The following CPT1B variants were observed in gnomAD, a reference collection of about 807,000 sequenced individuals.
The protein encoded by CPT1B is carnitine O-palmitoyltransferase 1, muscle isoform.
In CPT1B, 57 loss-of-function variants were observed where a neutral mutation model predicts 92.7. The ratio of observed to expected loss-of-function variants is 0.62; its 90% confidence interval spans 0.50 to 0.77. CPT1B has a LOEUF of 0.77. Among genes scored for constraint, CPT1B ranks in the 30% least tolerant of loss-of-function variants. The pLI is 0.00. For missense variants in CPT1B, 983 were observed against 1,017.4 expected (o/e 0.97, Z 0.46); for synonymous variants, 398 against 383.5 (o/e 1.04, Z -0.44).
Position 50,574,352 on chromosome 22 carries a change from A to T in CPT1B, c.953T>A (p.Ile318Asn). Reference protein sequence around the residue: ...QMERMFNTTRIPGKDTDVLQH... With the variant: ...QMERMFNTTRNPGKDTDVLQH... ...TCAGTTACCTGTGTCCTTGCCCGGG[A>T]TCCGAGTGGTGTTGAACATCCTCTC... Residue 318 changes from isoleucine (I) to asparagine (N), a missense_variant, in exon 9 of 20, where the codon ATC becomes AAC. Coordinates refer to ENST00000312108, the MANE Select transcript of CPT1B (RefSeq NM_152246.3). 6.2e-7 allele frequency: 1 copy of T among 1,613,448 alleles called. No individual in the cohort carries two copies. Among genetic ancestry groups the T allele is most frequent in the Non-Finnish European group, 8.5e-7 (1 of 1,179,766 alleles).
chr22:50,577,446 G>A lies in CPT1B; in HGVS notation c.159C>T (p.Gly53=), dbSNP rs758037076. The change falls in exon 3 of 20, where the codon GGC becomes GGT. Residue 53 remains glycine, a synonymous_variant. Transcript: ENST00000312108. The part of the protein sequence containing the change: ...LIRIKNGILR[G]VYPGSPTSWL... ...AGCTGGTGGGGCTGCCAGGGTACAC[G>A]CCCCTGAGGATGCCATTCTGTGGGC... is the stretch of plus-strand genomic sequence containing the variant. 6 of 1,613,540 alleles carry A rather than the reference G, an allele frequency of 3.7e-6. No individual in the cohort carries two copies. The highest frequency in any genetic ancestry group is 1.3e-5 in the African/African-American group (1 of 74,952).
chr22:50,570,914 C>G lies in CPT1B; in HGVS notation c.2005G>C (p.Val669Leu), dbSNP rs376060651. Residue 669 changes from valine to leucine, a missense_variant, in exon 16 of 20, where the codon GTC (valine) becomes CTC (leucine). Coordinates refer to ENST00000312108, the MANE Select transcript of CPT1B (RefSeq NM_152246.3). ...CLYLVSKYLG[V>L]SSPFLAEVLS... is the part of the protein sequence containing the mutation. ...ACCTCAGCAAGGAAAGGAGAGCTGA[C>G]TCCTAGGTACTTGGAGACCAAGTAA... 45 of 1,613,630 alleles carry G rather than the reference C, an allele frequency of 2.8e-5. No homozygotes were observed. In the African/African-American group the frequency reaches 5.9e-4, roughly 21 times the overall value.
At chr22:50,571,664 G>A (rs995071943) in intron 13 of CPT1B, 125 bp from the exon 14 acceptor site, 21 of 1,099,966 alleles carry the variant, frequency 1.9e-5, no homozygotes, top group African/African-American at 3.1e-5. Flanking sequence ...ATCTTCAGGA[G>A]GAGGGTACGC....
rs1213109659 is a variant in CPT1B, at chr22:50,578,367, TGTGCCGGCCC to T, written c.-20+9_-20+18del. 3 of 152,772 alleles carry T rather than the reference TGTGCCGGCCC, an allele frequency of 2.0e-5. No homozygotes were observed. The East Asian group carries it at 5.8e-4, about 30-fold the overall frequency. 9.5% of individuals were successfully genotyped at this position (152,772 alleles called of 1,614,324 possible). ...GGGCCCAGACCCCCGCGGGCCGCCC[TGTGCCGGCCC>T]CTACTCACAGCTCGGGTTCACTCCT... is the stretch of plus-strand genomic sequence containing the variant. On this transcript the variant is annotated intron_variant, in intron 1 of 19. Coordinates refer to ENST00000312108, the MANE Select transcript of CPT1B (RefSeq NM_152246.3).
In CPT1B at chr22:50,577,941, CG is replaced by C; in HGVS notation, c.-19-8del. The C allele has an allele frequency of 6.3e-7, 1 of 1,598,218 alleles. No individual in the cohort carries two copies. On this transcript the variant is annotated splice_region_variant and splice_polypyrimidine_tract_variant and intron_variant, in intron 1 of 19. Transcript: ENST00000312108. Reference sequence around the variant, plus strand: ...CCTGGGGGTTGGTCGGCACCTAGGACGGGGGCAGATGGGTGCGCGGGCGCGC... The same window carrying C: ...CCTGGGGGTTGGTCGGCACCTAGGACGGGGCAGATGGGTGCGCGGGCGCGC...
Position 50,576,186 on chromosome 22 carries a change from G to A in CPT1B, c.699+12C>T, listed in dbSNP as rs373385903. The A allele has an allele frequency of 8.1e-4, 1,301 of 1,613,980 alleles. No homozygotes were observed. Among genetic ancestry groups the A allele is most frequent in the Non-Finnish European group, 1.0e-3 (1,227 of 1,180,044 alleles). On this transcript the variant is annotated intron_variant, in intron 6 of 19. Coordinates refer to ENST00000312108, the MANE Select transcript of CPT1B (RefSeq NM_152246.3). Reference sequence around the variant, plus strand: ...ATGGCAGGTGACAGTGAGCCCAGGGGCAGGAACTTACATAGTTACTTGCCC... The same window carrying A: ...ATGGCAGGTGACAGTGAGCCCAGGGACAGGAACTTACATAGTTACTTGCCC...
In CPT1B at chr22:50,571,432, C is replaced by T. The variant is rs577490693; in HGVS notation, c.1683G>A (p.Lys561=). ...CAAAGGCATCAGGGCTGGTCCGGCA[C>T]TTCTTGATGAGGCCTTTGCCAAAGG... ...FLPFGKGLIK[K]CRTSPDAFVQ... The change falls in exon 14 of 20, where the codon AAG becomes AAA. Residue 561 remains lysine, a synonymous_variant. Transcript: ENST00000312108. 2.5e-6 allele frequency: 4 copies of T among 1,613,890 alleles called. No individual in the cohort carries two copies. The African/African-American group carries it at 5.3e-5, about 21-fold the overall frequency.
chr22:50,572,746 A>G, intron 11 of CPT1B, 129 bp downstream of exon 11: 1 of 1,037,928 alleles, frequency 9.6e-7, no homozygotes, highest in East Asian at 2.5e-5. Context: ...TGGCCCCCAA[A>G]GTGCTAGGAT....
At chr22:50,569,999 G>A (rs886228061) in intron 17 of CPT1B, among the ~76,000 whole-genome samples, 2 of 152,172 alleles carry the variant, frequency 1.3e-5, no homozygotes, top group African/African-American at 4.8e-5. Context: ...TGGATAAGTA[G>A]ACTTCAGAAG....
chr22:50,576,779 C>G (rs894688105), intron 4 of CPT1B, 78 bp downstream of exon 4: 113 of 1,583,242 alleles, frequency 7.1e-5, no homozygotes, highest in Non-Finnish European at 9.6e-5. Flanking sequence ...TCTGCCTCTC[C>G]CGTCTAGCTC....
intron 1 of CPT1B, 30 bp downstream of exon 1, chr22:50,578,356 G>C (rs907900877): frequency 1.3e-5 from 2 of 152,552 alleles, no homozygotes; most frequent in Non-Finnish European, 2.9e-5. Context: ...CCAGACCCCC[G>C]CGGGCCGCCC....
Position 50,576,606 on chromosome 22 carries a change from G to A in CPT1B, c.491C>T (p.Pro164Leu). The A allele has an allele frequency of 6.2e-7, 1 of 1,610,330 alleles. No homozygotes were observed. Among genetic ancestry groups the A allele is most frequent in the East Asian group, 2.2e-5 (1 of 44,838 alleles). ...AGATGTCTGGAAGCTGTAGAGCATAGGGTGCCGGCTGGATAGAAGGCGGAT... is the reference window on the plus strand; with the variant it reads ...AGATGTCTGGAAGCTGTAGAGCATAAGGTGCCGGCTGGATAGAAGGCGGAT... Reference protein sequence around the residue: ...MCIRLLSSRHPMLYSFQTSLP... With the variant: ...MCIRLLSSRHLMLYSFQTSLP... The change falls in exon 5 of 20, where the codon CCT becomes CTT. Residue 164 changes from proline (P) to leucine (L), a missense_variant. Transcript: ENST00000312108.
In CPT1B at chr22:50,576,100, A is replaced by G. The variant is rs1000637581; in HGVS notation, c.712T>C (p.Trp238Arg). 2 of 1,614,048 alleles carry G rather than the reference A, an allele frequency of 1.2e-6. No individual in the cohort carries two copies. Among genetic ancestry groups the G allele is most frequent in the African/African-American group, 1.3e-5 (1 of 75,036 alleles). Residue 238 changes from tryptophan to arginine, a missense_variant, in exon 7 of 20, where the codon TGG becomes CGG. Trp to Arg is a moderately radical substitution (Grantham distance 101, BLOSUM62 -3). Transcript: ENST00000312108. Reference protein sequence around the residue: ...WWASNYVSDWWEEYIYLRGRS... With the variant: ...WWASNYVSDWREEYIYLRGRS... ...CCTCGAAGGTAGATGTACTCTTCCC[A>G]CCAGTCACTCACCTGTGGGGAGGTG...
At chr22:50,571,077 C>T (rs774083204) in intron 15 of CPT1B, 34 bp from the exon 16 acceptor site, 1 of 1,611,988 alleles carries the variant, frequency 6.2e-7, no homozygotes, top group Non-Finnish European at 8.5e-7. Flanking sequence ...GAAGAGTAGC[C>T]CTGGCCCTCC....
Position 50,576,974 on chromosome 22 carries a change from C to T in CPT1B, c.342G>A (p.Thr114=), listed in dbSNP as rs148805071. ...AGAAGATGCCCGTCACCCAGACGCC[C>T]GTGGAGAAGATGGCCATGCTGAGAA... ...RALLSMAIFS[T]GVWVTGIFFF... The change falls in exon 4 of 20, where the codon ACG becomes ACA. Residue 114 remains threonine (T), a synonymous_variant. Transcript: ENST00000312108. 4.3e-6 allele frequency: 7 copies of T among 1,613,948 alleles called. No individual in the cohort carries two copies. The highest frequency in any genetic ancestry group is 5.9e-6 in the Non-Finnish European group (7 of 1,180,018).
rs751539236 is a variant in CPT1B, at chr22:50,573,634, C to A, written c.1052G>T (p.Gly351Val). Residue 351 changes from glycine (G) to valine (V), a missense_variant, in exon 10 of 20, where the codon GGC becomes GTC. Transcript: ENST00000312108. This position sits in a 1 kb window ranked among gnomAD's most constrained non-coding sequence, Gnocchi z 5.0. ...ATCCTGAGGCTTGAGCAGACGGGCGCCCTCATAGAGCCACAGCTTGAAGAA... is the reference window on the plus strand; with the variant it reads ...ATCCTGAGGCTTGAGCAGACGGGCGACCTCATAGAGCCACAGCTTGAAGAA... The part of the protein sequence containing the change: ...GRFFKLWLYE[G>V]ARLLKPQDLE... 1.9e-6 allele frequency: 3 copies of A among 1,613,436 alleles called. No individual in the cohort carries two copies. In the South Asian group the frequency reaches 3.3e-5, roughly 18 times the overall value.
chr22:50,570,372 T>C lies in CPT1B; in HGVS notation c.2063A>G (p.Gln688Arg). ...CATGCGGATCTGGGATTGGGGGATCTGGCTGGTGGAGAGACGCCAGGGTTC... is the reference window on the plus strand; with the variant it reads ...CATGCGGATCTGGGATTGGGGGATCCGGCTGGTGGAGAGACGCCAGGGTTC... ...LSEPWRLSTSQIPQSQIRMFD... is the reference protein window; with the variant it reads ...LSEPWRLSTSRIPQSQIRMFD... Residue 688 changes from glutamine to arginine, a missense_variant, in exon 17 of 20, where the codon CAG (glutamine) becomes CGG (arginine). Transcript: ENST00000312108. The C allele has an allele frequency of 6.2e-7, 1 of 1,607,998 alleles. No homozygotes were observed. The highest frequency in any genetic ancestry group is 8.5e-7 in the Non-Finnish European group (1 of 1,176,224).
In CPT1B at chr22:50,569,412, G is replaced by A. The variant is rs375316854; in HGVS notation, c.2245C>T (p.Arg749Cys). 1.1e-5 allele frequency: 18 copies of A among 1,613,982 alleles called. No individual in the cohort carries two copies. In the African/African-American group the frequency reaches 1.6e-4, roughly 14 times the overall value. The change falls in exon 19 of 20, where the codon CGC (arginine) becomes TGC (cysteine). Residue 749 changes from arginine (R) to cysteine (C), a missense_variant. By Grantham distance (180) the Arg-to-Cys change is radical (BLOSUM62 -3). Coordinates refer to ENST00000312108, the MANE Select transcript of CPT1B (RefSeq NM_152246.3). ...KFSSSETNAQ[R>C]FGNHIRKALL... is the part of the protein sequence containing the mutation. ...GCTTTGCGGATGTGGTTTCCAAAGC[G>A]CTGGGCGTTCTGTGGGAGCCAAGAG...
intron 3 of CPT1B, 122 bp from the exon 4 acceptor site, chr22:50,577,156 A>G: frequency 7.2e-7 from 1 of 1,383,018 alleles, no homozygotes; most frequent in South Asian, 1.3e-5. Flanking sequence ...GTCTGACTGC[A>G]TCAAATGAGC....
Sources: gnomAD v4.1 joint callset for allele counts (sites outside exome capture counted in the v4.1 genomes callset) on GRCh38, gnomAD v4.1.1 for gene constraint, Gnocchi (gnomAD v3.1) non-coding constraint, MANE v1.5 for transcripts, NCBI Gene and HGNC (gene_info 2026-07-23, HGNC 2026-07-21) for gene names.